The following EML5 variants were observed in gnomAD, a reference collection of about 807,000 sequenced individuals.
EML5 encodes EMAP like 5, also known as echinoderm microtubule-associated protein-like 5.
A neutral mutation model predicts 250.0 loss-of-function variants in EML5; 120 were observed. The ratio of observed to expected loss-of-function variants is 0.48; its 90% CI spans 0.41 to 0.56. The LOEUF (loss-of-function observed/expected upper bound fraction) is 0.56. Among genes scored for constraint, EML5 ranks in the 20% least tolerant of loss-of-function variants. The probability of loss-of-function intolerance (pLI) is 0.00; values close to 1 mark genes in which losing one functional copy is unlikely to be tolerated. For synonymous variants in EML5, 771 were observed against 806.5 expected (o/e 0.96, Z 0.75); for missense variants, 2,006 against 2,437.6 (o/e 0.82, Z 3.73).
At chr14:88,688,574 T>G in intron 17 of EML5, 101 bp from the exon 18 acceptor site, 5 of 1,188,640 alleles carry the variant, frequency 4.2e-6, no homozygotes, top group Non-Finnish European at 6.0e-6. Flanking sequence ...GTTTGAATAG[T>G]AAGGCATGCA....
chr14:88,645,968 T>A (rs569375135), intron 29 of EML5, among the ~76,000 whole-genome samples: 21 of 152,246 alleles, frequency 1.4e-4, no homozygotes, highest in South Asian at 4.1e-4. Flanking sequence ...TTAATTTTTT[T>A]AAAAAATGCA....
chr14:88,764,538 C>A (rs2094294465), intron 1 of EML5, among the ~76,000 whole-genome samples: 2 of 152,100 alleles, frequency 1.3e-5, no homozygotes, highest in Admixed American at 1.3e-4. Flanking sequence ...TGATCCTTTT[C>A]AAAGAACCAA....
In EML5 at chr14:88,642,888, C is replaced by T; in HGVS notation, c.4237+5G>A. 1 of 1,596,904 alleles carries T rather than the reference C, an allele frequency of 6.3e-7. No homozygotes were observed. Among genetic ancestry groups the T allele is most frequent in the South Asian group, 1.2e-5 (1 of 86,504 alleles). On this transcript the variant is annotated splice_donor_5th_base_variant and intron_variant, in intron 31 of 43. Coordinates refer to ENST00000554922, the MANE Select transcript of EML5 (RefSeq NM_183387.3). Reference sequence around the variant, plus strand: ...ATAGAGGGATGGAGAATCAGGGTTTCCTACCTGTAGCAACATTGTGCAGAA... The same window carrying T: ...ATAGAGGGATGGAGAATCAGGGTTTTCTACCTGTAGCAACATTGTGCAGAA...
intron 1 of EML5, among the ~76,000 whole-genome samples, chr14:88,765,239 G>A (rs2094305231): frequency 1.3e-5 from 2 of 152,144 alleles, no homozygotes; most frequent in African/African-American, 2.4e-5. Context: ...AGTCTCACAA[G>A]GCCAAAAGTC....
rs550114940 is a variant in EML5, at chr14:88,773,064, T to C, written c.198-18393A>G. On this transcript the variant is annotated intron_variant, in intron 1 of 43. Coordinates refer to ENST00000554922, the MANE Select transcript of EML5 (RefSeq NM_183387.3). The stretch of plus-strand genomic sequence containing the variant: ...GCTTACTCCTTCGGAGGTATCTGCA[T>C]GCCAGTGTTACAAGGTAGGCACTAT... Among the ~76,000 whole-genome samples the C allele has an allele frequency of 2.6e-5, 4 of 152,378 alleles. No homozygotes were observed. In the East Asian group the frequency reaches 5.8e-4, roughly 22 times the overall value.
rs549794770 is a variant in EML5, at chr14:88,671,761, A to G, written c.3125-6272T>C. ...AGCAGGGAGTGCAATCCTAGTTTCT[A>G]ACAAAACAGATTTTAAACCAAAAAA... On this transcript the variant is annotated intron_variant, in intron 21 of 43. Coordinates refer to ENST00000554922, the MANE Select transcript of EML5 (RefSeq NM_183387.3). 2.4e-3 allele frequency among the ~76,000 whole-genome samples: 371 copies of G among 152,246 alleles called. 5 individuals carry two copies. The highest frequency in any genetic ancestry group is 8.6e-3 in the African/African-American group (358 of 41,568).
chr14:88,675,307 A>T (rs570945863), intron 21 of EML5, among the ~76,000 whole-genome samples: 1 of 152,256 alleles, frequency 6.6e-6, no homozygotes, highest in Admixed American at 6.5e-5. Context: ...AGGCATTTCC[A>T]TACATCCTCT....
intron 1 of EML5, among the ~76,000 whole-genome samples, chr14:88,775,167 G>A (rs1036720388): frequency 2.6e-5 from 4 of 152,134 alleles, no homozygotes; most frequent in Admixed American, 6.5e-5. Flanking sequence ...CTGGCTTCAG[G>A]TAGGATACAG....
chr14:88,657,856 T>C (rs763251828), intron 26 of EML5, among the ~76,000 whole-genome samples: 18 of 152,250 alleles, frequency 1.2e-4, no homozygotes, highest in Non-Finnish European at 2.5e-4. Flanking sequence ...TATGGCAAAA[T>C]ACATTTTCTA....
rs542791602 is a variant in EML5, at chr14:88,685,237, CACATT to C, written c.2855-100_2855-96del. The C allele has an allele frequency of 1.5e-4, 157 of 1,068,192 alleles. No individual in the cohort carries two copies. In the African/African-American group the frequency reaches 2.3e-3, roughly 16 times the overall value. The allele number at this position is 1,068,192 out of a possible 1,614,324, so 66.2% of individuals were successfully genotyped here. A position where few individuals can be genotyped will look rare whatever the true frequency, so the allele number is the denominator to read the frequency against. On this transcript the variant is annotated intron_variant, in intron 19 of 43. Transcript: ENST00000554922. ...ATTAAGCTATTTTGACAGTGAAAAT[CACATT>C]ACAAGGTTTTCTCCTGTATTTTAAG...
intron 6 of EML5, 128 bp from the exon 7 acceptor site, chr14:88,736,693 A>C: frequency 1.2e-6 from 1 of 809,204 alleles, no homozygotes; most frequent in South Asian, 1.8e-5. Context: ...AGACAGTTTA[A>C]AGCCTGAAAG....
At chr14:88,756,070 G>A (rs891068423) in intron 1 of EML5, among the ~76,000 whole-genome samples, 9 of 152,162 alleles carry the variant, frequency 5.9e-5, no homozygotes, top group African/African-American at 2.2e-4. Flanking sequence ...ACAAGGGGAA[G>A]AGAGGGGTCT....
chr14:88,784,909 C>G (rs1273319618), intron 1 of EML5, among the ~76,000 whole-genome samples: 1 of 152,170 alleles, frequency 6.6e-6, no homozygotes, highest in African/African-American at 2.4e-5. Flanking sequence ...TGTTGCAGCA[C>G]TGTTCACAAT....
At chr14:88,748,431 T>C (rs1477710567) in intron 2 of EML5, among the ~76,000 whole-genome samples, 1 of 152,136 alleles carries the variant, frequency 6.6e-6, no homozygotes, top group African/African-American at 2.4e-5. Context: ...AATAGTGAAA[T>C]TATACCAGTA....
chr14:88,663,832 G>A (rs1393247472), intron 23 of EML5, among the ~76,000 whole-genome samples: 2 of 151,720 alleles, frequency 1.3e-5, no homozygotes, highest in Admixed American at 1.3e-4. Context: ...ACCATACCTG[G>A]CCAACATTTC....
chr14:88,766,498 G>A (rs7140678), intron 1 of EML5, among the ~76,000 whole-genome samples: 26,712 of 151,984 alleles, frequency 0.18, 2,899 homozygotes, highest in East Asian at 0.47. Flanking sequence ...TTATTGGGAC[G>A]AGGAAATTCC....
chr14:88,656,288 T>TA (rs1472382388), intron 27 of EML5, among the ~76,000 whole-genome samples: 1 of 152,022 alleles, frequency 6.6e-6, no homozygotes, highest in Non-Finnish European at 1.5e-5. Flanking sequence ...TATGCAGCCA[T>TA]AAAAAAGGAT....
At chr14:88,700,031 G>A (rs1316012661) in intron 14 of EML5, among the ~76,000 whole-genome samples, 1 of 151,992 alleles carries the variant, frequency 6.6e-6, no homozygotes, top group African/African-American at 2.4e-5. Context: ...ACTACATTGT[G>A]AGCTCCCGAT....
chr14:88,618,498 G>A lies in EML5; in HGVS notation c.5538+152C>T. The A allele has an allele frequency of 1.6e-5, 17 of 1,094,340 alleles. No individual in the cohort carries two copies. In the South Asian group the frequency reaches 2.6e-4, roughly 17 times the overall value. 67.8% of individuals were successfully genotyped at this position (1,094,340 alleles called of 1,614,324 possible). On this transcript the variant is annotated intron_variant, in intron 40 of 43. Transcript: ENST00000554922. ...TAATAGGAGAAAAGCTCTGATAAGT[G>A]GGGGAGGAAAGGGGAGCTGTAGGTC...
Sources: gnomAD v4.1 joint callset for allele counts (sites outside exome capture counted in the v4.1 genomes callset) on GRCh38, gnomAD v4.1.1 for gene constraint, MANE v1.5 for transcripts, NCBI Gene and HGNC (gene_info 2026-07-23, HGNC 2026-07-21) for gene names.